The following TINAG variants were observed in gnomAD, a reference collection of about 807,000 sequenced individuals.
TINAG encodes tubulointerstitial nephritis antigen.
In TINAG, 83 loss-of-function variants were observed where a neutral mutation model predicts 72.7. The observed-to-expected ratio is 1.14, with a 90% CI of 0.96 to 1.37. The LOEUF (loss-of-function observed/expected upper bound fraction) is 1.37, where lower values mean the gene tolerates loss of function less well. Among genes scored for constraint, TINAG ranks in the 40% most tolerant of loss-of-function variants. TINAG has a pLI of 0.00. For missense variants in TINAG, 685 were observed against 576.6 expected (o/e 1.19, Z -1.93); for synonymous variants, 234 against 189.9 (o/e 1.23, Z -1.91).
chr6:54,339,790 G>A (rs1400513231), intron 4 of TINAG, among the ~76,000 whole-genome samples: 1 of 152,094 alleles, frequency 6.6e-6, no homozygotes, highest in African/African-American at 2.4e-5. Context: ...GGTATTCATG[G>A]CCACTGACCT....
chr6:54,311,929 G>A (rs1279955039), intron 1 of TINAG, among the ~76,000 whole-genome samples: 3 of 152,078 alleles, frequency 2.0e-5, no homozygotes, highest in Non-Finnish European at 2.9e-5. Context: ...AAAGAGTATA[G>A]GATATTTCTC....
chr6:54,376,795 T>A (rs13201270), intron 9 of TINAG, among the ~76,000 whole-genome samples: 58,287 of 151,966 alleles, frequency 0.38, 13,397 homozygotes, highest in Middle Eastern at 0.55. Context: ...AGACTTTTCA[T>A]ATATATAAAA....
intron 9 of TINAG, among the ~76,000 whole-genome samples, chr6:54,373,681 G>T (rs767414670): frequency 5.3e-5 from 8 of 152,044 alleles, no homozygotes; most frequent in Non-Finnish European, 1.2e-4. Flanking sequence ...AAATAAATGA[G>T]CACGAATATT....
At chr6:54,315,481 A>C (rs1223798026) in intron 1 of TINAG, among the ~76,000 whole-genome samples, 1 of 151,916 alleles carries the variant, frequency 6.6e-6, no homozygotes, top group Admixed American at 6.6e-5. Flanking sequence ...CCAGCCTAGC[A>C]GTACAATAAG....
At chr6:54,373,774 T>C (rs1025314598) in intron 9 of TINAG, among the ~76,000 whole-genome samples, 1 of 152,130 alleles carries the variant, frequency 6.6e-6, no homozygotes, top group African/African-American at 2.4e-5. Context: ...TATAGTATGC[T>C]ATAATTTCTG....
chr6:54,366,442 G>A (rs1369181429), intron 9 of TINAG, among the ~76,000 whole-genome samples: 1 of 151,452 alleles, frequency 6.6e-6, no homozygotes, highest in Non-Finnish European at 1.5e-5. Flanking sequence ...TGAACTACAT[G>A]TTTAATATAT....
chr6:54,321,601 A>T (rs991311978), intron 3 of TINAG, among the ~76,000 whole-genome samples: 1 of 152,258 alleles, frequency 6.6e-6, no homozygotes, highest in Non-Finnish European at 1.5e-5. Flanking sequence ...GCTGTAAATT[A>T]TCTAGGAAAG....
intron 3 of TINAG, 42 bp from the exon 4 acceptor site, chr6:54,326,760 C>A (rs1426492540): frequency 7.1e-7 from 1 of 1,403,160 alleles, no homozygotes; most frequent in Non-Finnish European, 9.8e-7. Context: ...GTCATATAAC[C>A]TGTATATATT....
intron 9 of TINAG, among the ~76,000 whole-genome samples, chr6:54,361,367 G>A (rs1053523587): frequency 2.0e-5 from 3 of 151,656 alleles, no homozygotes; most frequent in African/African-American, 7.3e-5. Context: ...TGTGCAGGAG[G>A]TATGACTGGA....
chr6:54,369,735 G>T (rs768047524), intron 9 of TINAG, among the ~76,000 whole-genome samples: 11 of 151,822 alleles, frequency 7.2e-5, no homozygotes, highest in Non-Finnish European at 1.6e-4. Flanking sequence ...TATTAATAAA[G>T]CCAACTCATC....
At chr6:54,312,366 T>C (rs1784278327) in intron 1 of TINAG, among the ~76,000 whole-genome samples, 1 of 152,154 alleles carries the variant, frequency 6.6e-6, no homozygotes, top group African/African-American at 2.4e-5. Flanking sequence ...TGCTATTTAT[T>C]CATGAGAGCT....
At chr6:54,330,956 G>A (rs773283936) in intron 4 of TINAG, among the ~76,000 whole-genome samples, 5 of 152,112 alleles carry the variant, frequency 3.3e-5, no homozygotes. Context: ...TGAAATTGAG[G>A]CAGTAGTTAA....
At chr6:54,359,260 A>T (rs1167609475) in intron 9 of TINAG, among the ~76,000 whole-genome samples, 8 of 151,844 alleles carry the variant, frequency 5.3e-5, no homozygotes, top group Admixed American at 5.3e-4. Flanking sequence ...CATTTCCAGT[A>T]AGTTCAAAAG....
At chr6:54,384,705 C>CA (rs994857089) in intron 10 of TINAG, among the ~76,000 whole-genome samples, 1 of 151,112 alleles carries the variant, frequency 6.6e-6, no homozygotes, top group Non-Finnish European at 1.5e-5. Flanking sequence ...AACACAATTC[C>CA]AAAAAAACAT....
At chr6:54,331,879 A>G (rs1202455692) in intron 4 of TINAG, among the ~76,000 whole-genome samples, 1 of 152,200 alleles carries the variant, frequency 6.6e-6, no homozygotes, top group African/African-American at 2.4e-5. Flanking sequence ...AGAGAATAAG[A>G]TACCTCAGAA....
intron 1 of TINAG, among the ~76,000 whole-genome samples, chr6:54,319,882 A>C (rs979800917): frequency 6.6e-6 from 1 of 152,184 alleles, no homozygotes; most frequent in Non-Finnish European, 1.5e-5. Flanking sequence ...AAAGGAATTT[A>C]AATTTTTAAC....
chr6:54,345,113 G>A (rs1484554350), intron 5 of TINAG, among the ~76,000 whole-genome samples: 3 of 152,134 alleles, frequency 2.0e-5, no homozygotes, highest in African/African-American at 7.2e-5. Context: ...TACATTTGAA[G>A]ACGGAATAAA....
At chr6:54,377,281 G>T (rs1763810100) in intron 9 of TINAG, among the ~76,000 whole-genome samples, 1 of 152,056 alleles carries the variant, frequency 6.6e-6, no homozygotes, top group South Asian at 2.1e-4. Flanking sequence ...GGAGGCCGAG[G>T]CGGGAGTATC....
intron 4 of TINAG, among the ~76,000 whole-genome samples, chr6:54,331,144 G>A (rs1784730639): frequency 6.6e-6 from 1 of 152,114 alleles, no homozygotes; most frequent in African/African-American, 2.4e-5. Flanking sequence ...ACCTGGCAGA[G>A]ACACGACAAA....
Sources: gnomAD v4.1 joint callset for allele counts (sites outside exome capture counted in the v4.1 genomes callset) on GRCh38, gnomAD v4.1.1 for gene constraint, MANE v1.5 for transcripts, NCBI Gene and HGNC (gene_info 2026-07-23, HGNC 2026-07-21) for gene names.